TTC28: variants seen among roughly 807,000 people sequenced by gnomAD.
The protein encoded by TTC28 is tetratricopeptide repeat protein 28.
In TTC28, 61 loss-of-function variants were observed where a neutral mutation model predicts 198.0. The observed-to-expected ratio is 0.31, with a 90% CI of 0.25 to 0.38. The LOEUF (loss-of-function observed/expected upper bound fraction) is 0.38, where lower values mean the gene tolerates loss of function less well. TTC28 is among the 10% of genes least tolerant of loss of function. The pLI is 1.00. For synonymous variants in TTC28, 1,171 were observed against 1,297.8 expected, an observed-to-expected ratio of 0.90 and a Z score of 2.10; for missense variants, 2,678 against 3,164.0, an observed-to-expected ratio of 0.85 and a Z score of 3.69.
rs1416494057 is a variant in TTC28 at position 28,629,575 on chromosome 22, G to A, written c.358C>T (p.Leu120Phe). 24 of 1,551,098 alleles carry A rather than the reference G, an allele frequency of 1.5e-5. No homozygotes were observed. In the East Asian group the frequency reaches 2.7e-4, roughly 17 times the overall value. Residue 120 changes from leucine to phenylalanine, a missense_variant, in exon 2 of 23, where the codon CTT becomes TTT. By Grantham distance (22) the Leu-to-Phe change is conservative. Coordinates refer to ENST00000397906, the MANE Select transcript of TTC28 (RefSeq NM_001145418.2). ...ACCTTTGGCCACTTGGGATTGAGAAGTCGAGCTTTGATTGCATCATCCAGT... is the reference window on the plus strand; with the variant it reads ...ACCTTTGGCCACTTGGGATTGAGAAATCGAGCTTTGATTGCATCATCCAGT... ...KALDDAIKAR[L>F]LNPKWPKAYF...
intron 5 of TTC28, among the ~76,000 whole-genome samples, chr22:28,191,736 T>TG (rs1399942625): frequency 6.6e-6 from 1 of 152,068 alleles, no homozygotes; most frequent in Non-Finnish European, 1.5e-5. Flanking sequence ...GAAGCGAGGC[T>TG]GGGGGAGGGG....
chr22:28,500,705 C>T (rs1259726381), intron 2 of TTC28, among the ~76,000 whole-genome samples: 2 of 152,232 alleles, frequency 1.3e-5, no homozygotes, highest in Non-Finnish European at 2.9e-5. Flanking sequence ...CGTATCACAG[C>T]AATCCCATAA....
At chr22:28,573,957 T>C (rs1296408278) in intron 2 of TTC28, among the ~76,000 whole-genome samples, 1 of 152,116 alleles carries the variant, frequency 6.6e-6, no homozygotes, top group African/African-American at 2.4e-5. Flanking sequence ...GCAAAGTGTG[T>C]CTTTGTCTGG....
At chr22:28,565,951 G>A (rs928877443) in intron 2 of TTC28, among the ~76,000 whole-genome samples, 3 of 152,146 alleles carry the variant, frequency 2.0e-5, no homozygotes, top group African/African-American at 7.2e-5. Flanking sequence ...AGGTAAACAA[G>A]GGAAAAATCA....
At chr22:28,290,887 G>C (rs1357038592) in intron 5 of TTC28, among the ~76,000 whole-genome samples, 1 of 152,016 alleles carries the variant, frequency 6.6e-6, no homozygotes. Context: ...ACTCCAGCCT[G>C]AGTGACCCTG....
chr22:28,214,068 G>A (rs1031569585), intron 5 of TTC28, among the ~76,000 whole-genome samples: 6 of 152,076 alleles, frequency 3.9e-5, no homozygotes, highest in Non-Finnish European at 7.4e-5. Flanking sequence ...GGGAAAACTG[G>A]CTAGCCATAT....
intron 6 of TTC28, among the ~76,000 whole-genome samples, chr22:28,146,171 TA>T: frequency 1.3e-5 from 2 of 152,262 alleles, no homozygotes; most frequent in Middle Eastern, 3.4e-3. Context: ...GTAGGCAAAA[TA>T]TTTGTATACA....
chr22:28,522,201 G>A (rs947624072), intron 2 of TTC28, among the ~76,000 whole-genome samples: 7 of 152,112 alleles, frequency 4.6e-5, no homozygotes, highest in Non-Finnish European at 1.5e-5. Flanking sequence ...TTAAGAAAAC[G>A]GAGAGGCTGG....
intron 2 of TTC28, among the ~76,000 whole-genome samples, chr22:28,334,765 C>T (rs969564268): frequency 3.3e-5 from 5 of 152,154 alleles, no homozygotes; most frequent in African/African-American, 9.6e-5. Flanking sequence ...GTCAGATGAG[C>T]AGATTGCAAA....
At chr22:28,564,759 C>T (rs542879089) in intron 2 of TTC28, among the ~76,000 whole-genome samples, 40 of 150,766 alleles carry the variant, frequency 2.7e-4, no homozygotes, top group Non-Finnish European at 4.9e-4. Context: ...CGTTACACAA[C>T]CCCCAATCAT....
chr22:28,048,677 G>C (rs1313126998), intron 12 of TTC28, among the ~76,000 whole-genome samples: 1 of 152,092 alleles, frequency 6.6e-6, no homozygotes, highest in East Asian at 1.9e-4. Flanking sequence ...AGTCTGGTGT[G>C]AATACTGCTG....
intron 1 of TTC28, among the ~76,000 whole-genome samples, chr22:28,669,261 C>A: frequency 7.0e-6 from 1 of 143,564 alleles, no homozygotes; most frequent in African/African-American, 2.6e-5. Context: ...ATGTAACTAA[C>A]CTGCACAATG....
chr22:27,998,846 G>A lies in TTC28; in HGVS notation c.4813C>T (p.Leu1605=). Residue 1605 remains leucine, a synonymous_variant, in exon 16 of 23, where the codon CTG becomes TTG. Coordinates refer to ENST00000397906, the MANE Select transcript of TTC28 (RefSeq NM_001145418.2). The part of the protein sequence containing the change: ...ISDCPPLQEL[L]LTAADVLDLQ... The stretch of plus-strand genomic sequence containing the variant: ...TCCAGGACGTCGGCGGCAGTAAGCA[G>A]CAGCTCCTGCAGGGGCGGGCAGTCC... 1 of 1,550,206 alleles carries A rather than the reference G, an allele frequency of 6.5e-7. No homozygotes were observed. Among genetic ancestry groups the A allele is most frequent in the South Asian group, 1.2e-5 (1 of 84,062 alleles).
intron 2 of TTC28, among the ~76,000 whole-genome samples, chr22:28,360,648 G>A (rs1389827189): frequency 6.6e-6 from 1 of 152,102 alleles, no homozygotes; most frequent in Admixed American, 6.6e-5. Flanking sequence ...ACTCTGGTGC[G>A]ATAATTTAGC....
Position 28,246,081 on chromosome 22 carries a change from G to C in TTC28, c.933+50117C>G, listed in dbSNP as rs73882715. Among the ~76,000 whole-genome samples, 1,234 of 152,188 alleles carry C rather than the reference G, an allele frequency of 8.1e-3. 20 individuals are homozygous for C. The highest frequency in any genetic ancestry group is 0.028 in the African/African-American group (1,175 of 41,518). On this transcript the variant is annotated intron_variant, in intron 5 of 22. Coordinates refer to ENST00000397906, the MANE Select transcript of TTC28 (RefSeq NM_001145418.2). Reference sequence around the variant, plus strand: ...TTCTTATTTACTCTTAGCTTTAATGGTAGAAAAACTTCATCTTTAAGAGCC... The same window carrying C: ...TTCTTATTTACTCTTAGCTTTAATGCTAGAAAAACTTCATCTTTAAGAGCC...
At chr22:28,246,893 T>C (rs893763561) in intron 5 of TTC28, among the ~76,000 whole-genome samples, 2 of 151,738 alleles carry the variant, frequency 1.3e-5, no homozygotes, top group African/African-American at 4.8e-5. Context: ...TCAATGAAAA[T>C]GGCTTTTTAA....
At chr22:28,412,179 T>A (rs2146138145) in intron 2 of TTC28, among the ~76,000 whole-genome samples, 1 of 152,254 alleles carries the variant, frequency 6.6e-6, no homozygotes. Context: ...TGAAGATCTG[T>A]TCTTTAGAAG....
At chr22:28,203,169 GGACTTTA>G (rs1197176866) in intron 5 of TTC28, among the ~76,000 whole-genome samples, 14 of 152,020 alleles carry the variant, frequency 9.2e-5, no homozygotes, top group Non-Finnish European at 8.8e-5. Flanking sequence ...AGGCAAACAT[GGACTTTA>G]GAGTCAGTCA....
chr22:27,993,240 C>G (rs1296575189), intron 18 of TTC28, 47 bp downstream of exon 18: 1 of 1,444,778 alleles, frequency 6.9e-7, no homozygotes, highest in African/African-American at 1.4e-5. Context: ...ACTGTTCCAC[C>G]TGCTGTCAGC....
Sources: gnomAD v4.1 joint callset for allele counts (sites outside exome capture counted in the v4.1 genomes callset) on GRCh38, gnomAD v4.1.1 for gene constraint, MANE v1.5 for transcripts, NCBI Gene and HGNC (gene_info 2026-07-23, HGNC 2026-07-21) for gene names.